CLIP2: variants seen among roughly 807,000 people sequenced by gnomAD.
CLIP2 encodes the protein CAP-Gly domain containing linker protein 2, also known as CAP-Gly domain-containing linker protein 2.
Under a neutral mutation model 111.7 loss-of-function variants are expected in CLIP2, and 41 were observed. That is an observed-to-expected ratio of 0.37 (90% CI 0.29 to 0.48). The LOEUF (loss-of-function observed/expected upper bound fraction) is 0.48, where lower values mean the gene tolerates loss of function less well. Among genes scored for constraint, CLIP2 ranks in the 20% least tolerant of loss-of-function variants. The pLI, the probability that CLIP2 is intolerant of heterozygous loss-of-function variation, is 0.99. For synonymous variants in CLIP2, 660 were observed against 644.2 expected (o/e 1.02, Z -0.37); for missense variants, 1,160 against 1,422.1 (o/e 0.82, Z 2.96).
At chr7:74,339,796 C>A (rs1789604612) in intron 3 of CLIP2, among the ~76,000 whole-genome samples, 1 of 152,000 alleles carries the variant, frequency 6.6e-6, no homozygotes, top group South Asian at 2.1e-4. Context: ...TTCTCAAGAC[C>A]CCTGGTCCTG....
Position 74,353,933 on chromosome 7 carries a change from C to T in CLIP2, c.732C>T (p.Ala244=), listed in dbSNP as rs138266528. 6.2e-7 allele frequency: 1 copy of T among 1,614,110 alleles called. No homozygotes were observed. The highest frequency in any genetic ancestry group is 8.5e-7 in the Non-Finnish European group (1 of 1,180,002). ...GGTACGTGGGGGAGACAGACTTTGC[C>T]AAGGGCGAGTGGTGTGGCGTGGAGC... The part of the protein sequence containing the change: ...VVRYVGETDF[A]KGEWCGVELD... The change falls in exon 4 of 17, where the codon GCC becomes GCT. Residue 244 remains alanine, a synonymous_variant. Transcript: ENST00000223398.
chr7:74,302,991 C>T (rs1788379899), intron 1 of CLIP2, among the ~76,000 whole-genome samples: 1 of 152,160 alleles, frequency 6.6e-6, no homozygotes. Flanking sequence ...GCTGGGGCTG[C>T]AGCTCCCCGC....
chr7:74,317,117 T>C (rs1788799600), intron 1 of CLIP2, among the ~76,000 whole-genome samples: 1 of 152,158 alleles, frequency 6.6e-6, no homozygotes. Context: ...TGTAATAAAT[T>C]TCTGCAACCA....
At chr7:74,400,013 G>A (rs971714406) in intron 14 of CLIP2, among the ~76,000 whole-genome samples, 6 of 151,742 alleles carry the variant, frequency 4.0e-5, no homozygotes, top group African/African-American at 1.2e-4. Flanking sequence ...AAATTAGCGG[G>A]GCGTGGTGGT....
At chr7:74,397,457 C>T (rs1584394061) in intron 14 of CLIP2, among the ~76,000 whole-genome samples, 1 of 151,954 alleles carries the variant, frequency 6.6e-6, no homozygotes, top group African/African-American at 2.4e-5. Flanking sequence ...CTGTGTGATA[C>T]GGTGCAAAGG....
At chr7:74,375,860 G>T in intron 9 of CLIP2, 27 bp from the exon 10 acceptor site, 1 of 1,475,208 alleles carries the variant, frequency 6.8e-7, no homozygotes. Flanking sequence ...CCAGCCCGCT[G>T]ATCCCTGTCT....
At chr7:74,394,739 T>C (rs1376375126) in intron 13 of CLIP2, among the ~76,000 whole-genome samples, 2 of 152,190 alleles carry the variant, frequency 1.3e-5, no homozygotes, top group African/African-American at 4.8e-5. Context: ...GATGAGGCAA[T>C]CTAGGAATTT....
At chr7:74,386,444 T>C (rs1791102290) in intron 11 of CLIP2, 77 bp from the exon 12 acceptor site, 2 of 1,173,678 alleles carry the variant, frequency 1.7e-6, no homozygotes, top group Admixed American at 2.2e-5. Flanking sequence ...AGAGCTCCTG[T>C]GGGAGGGCCA....
At chr7:74,350,794 G>T (rs782691476) in intron 3 of CLIP2, among the ~76,000 whole-genome samples, 16 of 151,768 alleles carry the variant, frequency 1.1e-4, no homozygotes, top group Non-Finnish European at 1.8e-4. Flanking sequence ...TTGAACTCAG[G>T]AGTTCAGGCT....
rs782271276 is a variant in CLIP2, at chr7:74,304,968, G to GAATAAATA, written c.-67-12497_-67-12490dup. On this transcript the variant is annotated intron_variant, in intron 1 of 16. Transcript: ENST00000223398. ...TCCAAAAATAAATAAATGAATGAATGAATAAATAAATAAATAAATAAAGTC... is the reference window on the plus strand; with the variant it reads ...TCCAAAAATAAATAAATGAATGAATGAATAAATAAATAAATAAATAAATAAATAAAGTC... 4.8e-5 allele frequency among the ~76,000 whole-genome samples: 7 copies of GAATAAATA among 147,362 alleles called. No individual in the cohort carries two copies. In the East Asian group the frequency reaches 8.3e-4, roughly 17 times the overall value.
At position 74,353,913 on chromosome 7, in the gene CLIP2, G is replaced by A. The variant is rs1052883841; in HGVS notation, c.712G>A (p.Val238Met). The A allele has an allele frequency of 8.1e-6, 13 of 1,614,054 alleles. No individual in the cohort carries two copies. Among genetic ancestry groups the A allele is most frequent in the East Asian group, 2.2e-5 (1 of 44,884 alleles). ...GGTKTGVVRY[V>M]GETDFAKGEW... is the part of the protein sequence containing the mutation. ...GACGAAGACTGGCGTGGTGCGGTACGTGGGGGAGACAGACTTTGCCAAGGG... is the reference window on the plus strand; with the variant it reads ...GACGAAGACTGGCGTGGTGCGGTACATGGGGGAGACAGACTTTGCCAAGGG... Residue 238 changes from valine (V) to methionine (M), a missense_variant, in exon 4 of 17, where the codon GTG becomes ATG. Physicochemically the swap from Val to Met is conservative, Grantham distance 21. Transcript: ENST00000223398.
At chr7:74,396,879 C>G (rs2116705885) in intron 13 of CLIP2, among the ~76,000 whole-genome samples, 195 bp from the exon 14 acceptor site, 1 of 151,958 alleles carries the variant, frequency 6.6e-6, no homozygotes, top group South Asian at 2.1e-4. Flanking sequence ...CAGGACCATC[C>G]CAGCCCCAAA....
intron 2 of CLIP2, among the ~76,000 whole-genome samples, chr7:74,325,600 C>T (rs561293483): frequency 7.2e-5 from 11 of 151,986 alleles, no homozygotes; most frequent in Admixed American, 3.9e-4. Flanking sequence ...GAGAGGCCGA[C>T]GCAGGTGGAT....
At position 74,338,534 on chromosome 7, in the gene CLIP2, G is replaced by A; in HGVS notation, c.208G>A (p.Glu70Lys). Residue 70 changes from glutamate (E) to lysine (K), a missense_variant, in exon 3 of 17, where the codon GAA becomes AAA. Glu to Lys is a moderately conservative substitution (Grantham distance 56). This residue lies in a region of CLIP2 where 301 missense variants were observed against 315.2 expected (regional missense o/e 0.96). Transcript: ENST00000223398. The surrounding 1 kb of genome is among the most constrained non-coding windows in gnomAD (Gnocchi z 4.3). ...APEKPGPKAAEVGDDFLGDFV... is the reference protein window; with the variant it reads ...APEKPGPKAAKVGDDFLGDFV... ...CGAGAAGCCGGGCCCCAAGGCGGCG[G>A]AAGTGGGGGATGACTTCCTGGGGGA... 6.2e-7 allele frequency: 1 copy of A among 1,603,438 alleles called. No individual in the cohort carries two copies.
At chr7:74,378,375 G>A (rs141567300) in intron 10 of CLIP2, among the ~76,000 whole-genome samples, 2,964 of 151,974 alleles carry the variant, frequency 0.02, 82 homozygotes, top group African/African-American at 0.067. Flanking sequence ...CTGTCTGCCC[G>A]CCTTTGCCTC....
At chr7:74,324,440 C>T (rs902194487) in intron 2 of CLIP2, among the ~76,000 whole-genome samples, 5 of 152,160 alleles carry the variant, frequency 3.3e-5, no homozygotes, top group African/African-American at 9.7e-5. Flanking sequence ...TGGTGTGTGG[C>T]GTGCCACCTG....
Position 74,376,870 on chromosome 7 carries a change from G to A in CLIP2, c.2421+48G>A. 6.8e-7 allele frequency: 1 copy of A among 1,470,716 alleles called. No individual in the cohort carries two copies. Among genetic ancestry groups the A allele is most frequent in the Non-Finnish European group, 9.0e-7 (1 of 1,106,966 alleles). The allele number at this position is 1,470,716 out of a possible 1,614,324, so 91.1% of individuals were successfully genotyped here. On this transcript the variant is annotated intron_variant, in intron 10 of 16. Coordinates refer to ENST00000223398, the MANE Select transcript of CLIP2 (RefSeq NM_003388.5). The surrounding 1 kb of genome is among the most constrained non-coding windows in gnomAD (Gnocchi z 7.1). The stretch of plus-strand genomic sequence containing the variant: ...GGGGCGGGAGGGTCGGGCTGGGGAG[G>A]GCTTGGCCTTTTGCTGACCTCTGTT...
At chr7:74,396,403 T>A (rs977366333) in intron 13 of CLIP2, among the ~76,000 whole-genome samples, 1 of 152,176 alleles carries the variant, frequency 6.6e-6, no homozygotes, top group Non-Finnish European at 1.5e-5. Context: ...CTCTATTTTT[T>A]AAAAATAGAT....
chr7:74,331,615 A>C (rs1379334133), intron 2 of CLIP2, among the ~76,000 whole-genome samples: 1 of 122,392 alleles, frequency 8.2e-6, no homozygotes, highest in Non-Finnish European at 1.6e-5. Flanking sequence ...TCTCGCCCAG[A>C]CTGGAGTGAG....
Sources: gnomAD v4.1 joint callset for allele counts (sites outside exome capture counted in the v4.1 genomes callset) on GRCh38, gnomAD v4.1.1 for gene constraint, gnomAD v4.1.1 regional missense constraint, Gnocchi (gnomAD v3.1) non-coding constraint, MANE v1.5 for transcripts, NCBI Gene and HGNC (gene_info 2026-07-23, HGNC 2026-07-21) for gene names.